The following SLC10A7 variants were observed in gnomAD, a reference collection of about 807,000 sequenced individuals.
SLC10A7 encodes solute carrier family 10 member 7, also known as sodium/bile acid cotransporter 7.
SLC10A7 carries 29 observed loss-of-function variants against 43.2 expected under a neutral mutation model. That is an observed-to-expected ratio of 0.67 (90% CI 0.50 to 0.92). The LOEUF is 0.92. Ranked by LOEUF, SLC10A7 falls within the 40% of genes least tolerant of loss-of-function variation. SLC10A7 has a pLI of 0.00. For synonymous variants in SLC10A7, 152 were observed against 144.8 expected (o/e 1.05, Z -0.35); for missense variants, 295 against 403.2 (o/e 0.73, Z 2.30).
At chr4:146,329,625 C>T (rs2149711817) in intron 5 of SLC10A7, among the ~76,000 whole-genome samples, 1 of 152,260 alleles carries the variant, frequency 6.6e-6, no homozygotes. Flanking sequence ...GTTATTTCCT[C>T]AGGGTTGTAT....
intron 4 of SLC10A7, among the ~76,000 whole-genome samples, chr4:146,485,609 A>G (rs1734845755): frequency 6.6e-6 from 1 of 152,206 alleles, no homozygotes; most frequent in Non-Finnish European, 1.5e-5. Context: ...CAGTCTAACT[A>G]TGACGGCTTC....
chr4:146,272,489 C>A lies in SLC10A7; in HGVS notation c.847+10703G>T, dbSNP rs550021482. Among the ~76,000 whole-genome samples, 30 of 152,182 alleles carry A rather than the reference C, an allele frequency of 2.0e-4. No individual in the cohort carries two copies. The South Asian group carries it at 6.0e-3, about 31-fold the overall frequency. ...GGGACATACAAGGGGAAACTGTTAC[C>A]CTTGCTTTGCAGCTGTAGGCTCATG... On this transcript the variant is annotated intron_variant, in intron 10 of 11. Transcript: ENST00000335472.
chr4:146,387,818 T>C (rs1159720717), intron 5 of SLC10A7, among the ~76,000 whole-genome samples: 2 of 152,064 alleles, frequency 1.3e-5, no homozygotes, highest in African/African-American at 4.8e-5. Context: ...AATAACTCAG[T>C]CTCATTTATA....
At chr4:146,392,718 A>G (rs1426845274) in intron 5 of SLC10A7, among the ~76,000 whole-genome samples, 1 of 152,196 alleles carries the variant, frequency 6.6e-6, no homozygotes, top group Non-Finnish European at 1.5e-5. Context: ...AAGATTTTGA[A>G]CAATTCTTAA....
At chr4:146,455,677 G>A (rs560125579) in intron 4 of SLC10A7, among the ~76,000 whole-genome samples, 22 of 151,778 alleles carry the variant, frequency 1.4e-4, no homozygotes, top group Non-Finnish European at 2.7e-4. Flanking sequence ...AATGGACTTC[G>A]CAGATCATCT....
chr4:146,377,078 G>C (rs183385525), intron 5 of SLC10A7, among the ~76,000 whole-genome samples: 1 of 112,250 alleles, frequency 8.9e-6, no homozygotes, highest in East Asian at 2.6e-4. Flanking sequence ...TGGAAGATAA[G>C]AATGTAAAGT....
intron 2 of SLC10A7, among the ~76,000 whole-genome samples, chr4:146,511,969 CTTTTTTTT>C (rs765683134): frequency 1.0e-5 from 1 of 98,860 alleles, no homozygotes; most frequent in African/African-American, 4.0e-5. Context: ...TGCATATACT[CTTTTTTTT>C]TTTTTTTTTT....
At chr4:146,493,356 C>A (rs1182632925) in intron 4 of SLC10A7, among the ~76,000 whole-genome samples, 1 of 152,024 alleles carries the variant, frequency 6.6e-6, no homozygotes, top group African/African-American at 2.4e-5. Context: ...ATCATACATG[C>A]AGATATTCTG....
chr4:146,362,673 C>T (rs1057168633), intron 5 of SLC10A7, among the ~76,000 whole-genome samples: 6 of 151,514 alleles, frequency 4.0e-5, no homozygotes, highest in African/African-American at 1.5e-4. Flanking sequence ...TGATAATAGA[C>T]AATATAATAA....
chr4:146,481,869 G>A (rs1451183156), intron 4 of SLC10A7, among the ~76,000 whole-genome samples: 3 of 152,156 alleles, frequency 2.0e-5, no homozygotes, highest in African/African-American at 7.2e-5. Context: ...GAGCTATGCA[G>A]ACCCAACACC....
At chr4:146,388,224 C>A (rs549882537) in intron 5 of SLC10A7, among the ~76,000 whole-genome samples, 4 of 152,046 alleles carry the variant, frequency 2.6e-5, no homozygotes, top group African/African-American at 9.7e-5. Context: ...TAAAAACAGA[C>A]AAATAGATCA....
chr4:146,492,772 A>G (rs1359431580), intron 4 of SLC10A7, among the ~76,000 whole-genome samples: 1 of 152,258 alleles, frequency 6.6e-6, no homozygotes, highest in Non-Finnish European at 1.5e-5. Context: ...CAATAAAAAT[A>G]GATCATATTT....
chr4:146,342,261 T>C (rs1734317744), intron 5 of SLC10A7, among the ~76,000 whole-genome samples: 1 of 151,804 alleles, frequency 6.6e-6, no homozygotes, highest in Non-Finnish European at 1.5e-5. Flanking sequence ...AAGTATTTTA[T>C]CTATCTCTAA....
chr4:146,256,182 T>A lies in SLC10A7; in HGVS notation c.*309A>T. 1 of 383,346 alleles carries A rather than the reference T, an allele frequency of 2.6e-6. No individual in the cohort carries two copies. 23.7% of individuals were successfully genotyped at this position (383,346 alleles called of 1,614,324 possible). A position where few individuals can be genotyped will look rare whatever the true frequency, so the allele number is the denominator to read the frequency against. On this transcript the variant is annotated 3_prime_UTR_variant, in exon 12 of 12. Coordinates refer to ENST00000335472, the MANE Select transcript of SLC10A7 (RefSeq NM_001029998.6). ...AAACATTACAGTAACTACTATAGGG[T>A]TGTATTGCACAAAGGTGCTGCAGGG... is the stretch of plus-strand genomic sequence containing the variant.
In SLC10A7 at chr4:146,254,379, T is replaced by G. The variant is rs1227679490; in HGVS notation, c.*2112A>C. 1 of 152,078 alleles carries G rather than the reference T, an allele frequency of 6.6e-6. No individual in the cohort carries two copies. Among genetic ancestry groups the G allele is most frequent in the Non-Finnish European group, 1.5e-5 (1 of 68,018 alleles). The allele number at this position is 152,078 out of a possible 1,614,324, so 9.4% of individuals were successfully genotyped here. A position where few individuals can be genotyped will look rare whatever the true frequency, so the allele number is the denominator to read the frequency against. ...ATAAACATAACAAAATATTTTAAGC[T>G]CTGAATAATTAAATCCCAATAAGCA... On this transcript the variant is annotated 3_prime_UTR_variant, in exon 12 of 12. Transcript: ENST00000335472.
At chr4:146,477,565 T>C (rs1426712580) in intron 4 of SLC10A7, among the ~76,000 whole-genome samples, 1 of 152,198 alleles carries the variant, frequency 6.6e-6, no homozygotes, top group African/African-American at 2.4e-5. Flanking sequence ...GTCTAAGTAA[T>C]GCAAGATTAT....
intron 5 of SLC10A7, among the ~76,000 whole-genome samples, chr4:146,342,984 C>T (rs1366725668): frequency 1.3e-5 from 2 of 151,676 alleles, no homozygotes; most frequent in African/African-American, 2.4e-5. Flanking sequence ...GATACAACCC[C>T]GTTTCATAAT....
At chr4:146,392,066 G>A (rs185359237) in intron 5 of SLC10A7, among the ~76,000 whole-genome samples, 2 of 152,240 alleles carry the variant, frequency 1.3e-5, no homozygotes, top group Admixed American at 1.3e-4. Flanking sequence ...GTGGAGATAC[G>A]ACTTGTCTGC....
intron 4 of SLC10A7, among the ~76,000 whole-genome samples, chr4:146,461,787 AAGAT>A (rs1446197378): frequency 1.3e-5 from 2 of 150,758 alleles, no homozygotes; most frequent in African/African-American, 4.9e-5. Context: ...AAAAAAAAAA[AAGAT>A]AGGCTAGGTG....
Sources: gnomAD v4.1 joint callset for allele counts (sites outside exome capture counted in the v4.1 genomes callset) on GRCh38, gnomAD v4.1.1 for gene constraint, MANE v1.5 for transcripts, NCBI Gene and HGNC (gene_info 2026-07-23, HGNC 2026-07-21) for gene names.